Variants in COL4A1 observed in about 807,000 individuals in gnomAD.
COL4A1 encodes collagen type IV alpha 1 chain.
A neutral mutation model predicts 216.6 loss-of-function variants in COL4A1; 40 were observed. That is an observed-to-expected ratio of 0.18 (90% CI 0.14 to 0.24). The LOEUF is 0.24. COL4A1 is among the 10% of genes least tolerant of loss of function. The probability of loss-of-function intolerance (pLI) is 1.00; values close to 1 mark genes in which losing one functional copy is unlikely to be tolerated. For missense variants in COL4A1, 1,628 were observed against 2,196.8 expected (o/e 0.74, Z 5.18); for synonymous variants, 839 against 810.7 (o/e 1.03, Z -0.59).
chr13:110,181,219 A>G (rs1177947047), intron 29 of COL4A1, 73 bp downstream of exon 29: 5 of 1,468,888 alleles, frequency 3.4e-6, no homozygotes, highest in Non-Finnish European at 4.8e-6. Context: ...GACGTTCACA[A>G]CCTGCATTTT....
intron 1 of COL4A1, among the ~76,000 whole-genome samples, chr13:110,302,661 C>T (rs1006551316): frequency 6.6e-6 from 1 of 152,190 alleles, no homozygotes; most frequent in African/African-American, 2.4e-5. Context: ...AGTCTTCACC[C>T]CAAAGTCATT....
Position 110,161,227 on chromosome 13 carries a change from G to A in COL4A1, c.4605C>T (p.Pro1535=), listed in dbSNP as rs750151557. Residue 1535 remains proline, a synonymous_variant, in exon 49 of 52, where the codon CCC becomes CCT. Transcript: ENST00000375820. ...ATGGTCTTATGTTTTCCCCCGTGAT[G>A]GGTGCCATTGACATGGGCATGGGCT... ...TPEPMPMSMA[P]ITGENIRPFI... 5 of 1,614,098 alleles carry A rather than the reference G, an allele frequency of 3.1e-6. No individual in the cohort carries two copies. The highest frequency in any genetic ancestry group is 4.2e-6 in the Non-Finnish European group (5 of 1,180,050).
intron 1 of COL4A1, among the ~76,000 whole-genome samples, chr13:110,302,575 T>C (rs78310134): frequency 6.6e-6 from 1 of 152,106 alleles, no homozygotes; most frequent in African/African-American, 2.4e-5. Flanking sequence ...GAGGGACCCA[T>C]GTCCCAGAGT....
chr13:110,218,309 T>C (rs1185458111), intron 2 of COL4A1, among the ~76,000 whole-genome samples: 2 of 152,142 alleles, frequency 1.3e-5, no homozygotes, highest in African/African-American at 2.4e-5. Flanking sequence ...ATCTTCACAA[T>C]GGACTGAAGC....
intron 46 of COL4A1, among the ~76,000 whole-genome samples, 168 bp downstream of exon 46, chr13:110,164,694 A>T (rs1877252263): frequency 6.6e-6 from 1 of 152,198 alleles, no homozygotes; most frequent in Non-Finnish European, 1.5e-5. Context: ...TCCCTTTAAA[A>T]ATGTCATAGG....
intron 10 of COL4A1, 144 bp downstream of exon 10, chr13:110,209,836 G>A (rs921168104): frequency 9.7e-7 from 1 of 1,029,710 alleles, no homozygotes; most frequent in Non-Finnish European, 1.5e-6. Context: ...CAAACGTTTA[G>A]TAAGAGGGAA....
At chr13:110,266,121 G>A (rs1230770556) in intron 1 of COL4A1, 6 of 152,354 alleles carry the variant, frequency 3.9e-5, no homozygotes, top group Non-Finnish European at 8.8e-5. Flanking sequence ...CCTAAAGAAT[G>A]AAGTCATGCC....
intron 26 of COL4A1, 100 bp downstream of exon 26, chr13:110,186,285 C>T: frequency 3.4e-6 from 5 of 1,454,224 alleles, no homozygotes; most frequent in Non-Finnish European, 4.8e-6. Context: ...AAGTGTGCGC[C>T]CTGGCCTATG....
chr13:110,300,573 C>T (rs534532399), intron 1 of COL4A1, among the ~76,000 whole-genome samples: 2 of 152,318 alleles, frequency 1.3e-5, no homozygotes, highest in South Asian at 4.1e-4. Context: ...AAGTTAGCTG[C>T]ACTCTCTATG....
At chr13:110,205,211 C>A (rs1324037063) in intron 17 of COL4A1, 142 bp downstream of exon 17, 3 of 942,088 alleles carry the variant, frequency 3.2e-6, no homozygotes, top group Non-Finnish European at 1.6e-6. Context: ...AAGGAAACCA[C>A]TAAATTGTGT....
At chr13:110,190,237 TA>T (rs1417728123) in intron 24 of COL4A1, among the ~76,000 whole-genome samples, 2 of 152,162 alleles carry the variant, frequency 1.3e-5, no homozygotes, top group African/African-American at 2.4e-5. Flanking sequence ...TTCTTGATTC[TA>T]AGTAGTTCAA....
Position 110,233,285 on chromosome 13 carries a change from T to C in COL4A1, c.144+9390A>G, listed in dbSNP as rs577169464. On this transcript the variant is annotated intron_variant, in intron 2 of 51. Transcript: ENST00000375820. ...ATGATTCATGTGCGGTATGTGGAAA[T>C]AGGAAATAGGGGACATCTGGAAAAA... Among the ~76,000 whole-genome samples the C allele has an allele frequency of 2.5e-3, 386 of 151,890 alleles. 2 individuals carry two copies. The highest frequency in any genetic ancestry group is 0.01 in the Middle Eastern group (3 of 294).
chr13:110,229,183 C>T (rs1880891786), intron 2 of COL4A1, among the ~76,000 whole-genome samples: 1 of 152,192 alleles, frequency 6.6e-6, no homozygotes. Context: ...GCCTGATCTT[C>T]CTTCACTTCA....
intron 43 of COL4A1, among the ~76,000 whole-genome samples, chr13:110,167,493 G>T (rs1877400541): frequency 6.6e-6 from 1 of 152,126 alleles, no homozygotes; most frequent in Non-Finnish European, 1.5e-5. Context: ...CGCCTGAGGA[G>T]CAGGCAAATG....
At chr13:110,258,729 C>A (rs374844433) in intron 1 of COL4A1, among the ~76,000 whole-genome samples, 36 of 152,248 alleles carry the variant, frequency 2.4e-4, no homozygotes, top group Middle Eastern at 6.8e-3. Context: ...GCTTTGACTT[C>A]AATTTCGGTT....
chr13:110,248,372 GCCCTGGC>G (rs142159328), intron 1 of COL4A1, among the ~76,000 whole-genome samples: 151,245 of 152,128 alleles, frequency 0.99, 75,191 homozygotes, highest in Middle Eastern at 1. Flanking sequence ...CTGTAGCTGG[GCCCTGGC>G]CCCTGGCCCC....
chr13:110,281,303 C>T (rs1248084419), intron 1 of COL4A1, among the ~76,000 whole-genome samples: 3 of 152,200 alleles, frequency 2.0e-5, no homozygotes, highest in African/African-American at 7.2e-5. Context: ...ACGTGAGAAG[C>T]AGAAATACTG....
intron 1 of COL4A1, among the ~76,000 whole-genome samples, chr13:110,297,555 T>A (rs1884324854): frequency 6.6e-6 from 1 of 152,152 alleles, no homozygotes; most frequent in African/African-American, 2.4e-5. Context: ...AATCCATCAC[T>A]AAAACTGTCA....
intron 47 of COL4A1, among the ~76,000 whole-genome samples, chr13:110,162,657 C>T (rs940632909): frequency 6.6e-6 from 1 of 151,810 alleles, no homozygotes; most frequent in African/African-American, 2.4e-5. Flanking sequence ...TTTTACCTGC[C>T]ACCTCAAGAT....
Sources: gnomAD v4.1 joint callset for allele counts (sites outside exome capture counted in the v4.1 genomes callset) on GRCh38, gnomAD v4.1.1 for gene constraint, MANE v1.5 for transcripts, NCBI Gene and HGNC (gene_info 2026-07-23, HGNC 2026-07-21) for gene names.